The following POU6F2 variants were observed in gnomAD, a reference collection of about 807,000 sequenced individuals.
POU6F2 encodes POU class 6 homeobox 2, also known as POU domain, class 6, transcription factor 2.
POU6F2 carries 31 observed loss-of-function variants against 71.3 expected under a neutral mutation model. The observed-to-expected ratio is 0.43, with a 90% CI of 0.33 to 0.59. The LOEUF is 0.59. Among genes scored for constraint, POU6F2 ranks in the 20% least tolerant of loss-of-function variants. The pLI is 0.04. For missense variants in POU6F2, 783 were observed against 856.8 expected (o/e 0.91, Z 1.07); for synonymous variants, 347 against 355.7 (o/e 0.98, Z 0.27).
chr7:39,146,707 A>C (rs947239042), intron 2 of POU6F2, among the ~76,000 whole-genome samples: 1 of 152,096 alleles, frequency 6.6e-6, no homozygotes, highest in African/African-American at 2.4e-5. Context: ...AGTGAAGGTG[A>C]TGGTGGTGAG....
chr7:39,120,828 A>C (rs1214223794), intron 2 of POU6F2: 1 of 152,226 alleles, frequency 6.6e-6, no homozygotes, highest in African/African-American at 2.4e-5. Flanking sequence ...TATACTTTTC[A>C]AAAGCCTTGA....
chr7:39,235,936 G>T (rs1794667001), intron 4 of POU6F2, among the ~76,000 whole-genome samples: 1 of 152,146 alleles, frequency 6.6e-6, no homozygotes, highest in Non-Finnish European at 1.5e-5. Context: ...GCCAGAAGAT[G>T]AGATAAATAA....
intron 1 of POU6F2, among the ~76,000 whole-genome samples, chr7:39,060,952 T>TA (rs761531424): frequency 0.024 from 3,298 of 139,970 alleles, 34 homozygotes; most frequent in Non-Finnish European, 0.036. Flanking sequence ...TCACTAAGCT[T>TA]AAAAAAAAAA....
At chr7:39,441,424 C>A (rs1788402169) in intron 7 of POU6F2, among the ~76,000 whole-genome samples, 2 of 151,034 alleles carry the variant, frequency 1.3e-5, no homozygotes. Flanking sequence ...AATTGAGACA[C>A]CAGAGAAAGC....
chr7:39,421,161 A>C (rs986059295), intron 6 of POU6F2, among the ~76,000 whole-genome samples: 1 of 152,150 alleles, frequency 6.6e-6, no homozygotes, highest in Non-Finnish European at 1.5e-5. Flanking sequence ...AGAAAAACTC[A>C]TCAGCGTAAT....
intron 2 of POU6F2, among the ~76,000 whole-genome samples, chr7:39,189,877 C>G (rs556203389): frequency 1.1e-3 from 164 of 152,092 alleles, no homozygotes; most frequent in African/African-American, 3.6e-3. Flanking sequence ...CCTTCTACCC[C>G]CTTCCTACTG....
chr7:39,005,484 C>CTGTGTG (rs56984287), intron 1 of POU6F2, among the ~76,000 whole-genome samples: 1,635 of 126,674 alleles, frequency 0.013, 38 homozygotes, highest in African/African-American at 0.038. Flanking sequence ...AGGGAGAAAC[C>CTGTGTG]TGTGTGTGTG....
intron 7 of POU6F2, among the ~76,000 whole-genome samples, chr7:39,442,775 T>C (rs897599354): frequency 2.0e-5 from 3 of 152,178 alleles, no homozygotes; most frequent in Non-Finnish European, 4.4e-5. Context: ...CTAAAAACCT[T>C]TTCTGTCAGC....
At chr7:39,281,035 G>A (rs1345853422) in intron 4 of POU6F2, among the ~76,000 whole-genome samples, 5 of 152,148 alleles carry the variant, frequency 3.3e-5, no homozygotes, top group African/African-American at 4.8e-5. Context: ...TTTATGAATG[G>A]AAAGTACCAG....
chr7:39,450,038 G>C (rs1350751938), intron 7 of POU6F2, among the ~76,000 whole-genome samples: 2 of 152,174 alleles, frequency 1.3e-5, no homozygotes, highest in African/African-American at 2.4e-5. Flanking sequence ...GTGGTTTCAC[G>C]TGTGTACACA....
At chr7:39,295,830 G>A (rs1170923161) in intron 4 of POU6F2, among the ~76,000 whole-genome samples, 1 of 152,204 alleles carries the variant, frequency 6.6e-6, no homozygotes, top group Non-Finnish European at 1.5e-5. Context: ...AGTAACTTGA[G>A]AGAATTAACC....
rs1177888032 is a variant in POU6F2, at chr7:39,407,824, C to A, written c.1113+1084C>A. Among the ~76,000 whole-genome samples the A allele has an allele frequency of 3.3e-5, 5 of 152,152 alleles. 1 individual carries two copies. The highest frequency in any genetic ancestry group is 2.9e-5 in the Non-Finnish European group (2 of 68,020). ...AAAAAAAGCTGACCTTGTTTTATTT[C>A]CTGGGCGGGTGTGGTATTGTCCCGT... On this transcript the variant is annotated intron_variant, in intron 6 of 9. Coordinates refer to ENST00000518318, the MANE Select transcript of POU6F2 (RefSeq NM_001370959.1).
intron 1 of POU6F2, among the ~76,000 whole-genome samples, chr7:39,054,234 A>G (rs1790459691): frequency 6.6e-6 from 1 of 152,214 alleles, no homozygotes; most frequent in African/African-American, 2.4e-5. Context: ...GATTAGACCA[A>G]TAACACCTTT....
intron 5 of POU6F2, among the ~76,000 whole-genome samples, chr7:39,405,760 G>A (rs1215169851): frequency 6.6e-6 from 1 of 152,196 alleles, no homozygotes; most frequent in Non-Finnish European, 1.5e-5. Flanking sequence ...TTGGCAGGAA[G>A]GAGAATATTG....
intron 1 of POU6F2, among the ~76,000 whole-genome samples, chr7:38,995,826 G>A (rs919169937): frequency 6.6e-6 from 1 of 152,196 alleles, no homozygotes; most frequent in Non-Finnish European, 1.5e-5. Flanking sequence ...AGAGAATGAA[G>A]CACAGTGCTT....
intron 2 of POU6F2, among the ~76,000 whole-genome samples, chr7:39,133,673 G>A (rs1421934354): frequency 6.6e-6 from 1 of 152,120 alleles, no homozygotes; most frequent in Non-Finnish European, 1.5e-5. Context: ...ACATTGTCTT[G>A]TTCTCCTTAG....
In POU6F2 at chr7:39,339,864, C is replaced by T. The variant is rs150071017; in HGVS notation, c.821C>T (p.Ala274Val). The change falls in exon 5 of 10, where the codon GCG becomes GTG. Residue 274 changes from alanine to valine, a missense_variant. Around this residue, in one of 2 missense-constraint regions of POU6F2, gnomAD observed 572 missense variants for 572.9 expected, o/e 1.00. Coordinates refer to ENST00000518318, the MANE Select transcript of POU6F2 (RefSeq NM_001370959.1). The part of the protein sequence containing the change: ...PPAPTSQLQQ[A>V]PQPQQHQPHS... ...GCTCCTACATCTCAGCTGCAACAGG[C>T]GCCTCAGCCCCAGCAGCACCAACCC... 1,214 of 1,610,798 alleles carry T rather than the reference C, an allele frequency of 7.5e-4. 5 individuals carry two copies. The African/African-American group carries it at 0.013, about 18-fold the overall frequency.
At chr7:39,075,032 C>G (rs763419823) in intron 1 of POU6F2, among the ~76,000 whole-genome samples, 33 of 152,008 alleles carry the variant, frequency 2.2e-4, no homozygotes, top group Non-Finnish European at 4.1e-4. Flanking sequence ...GGCTCCAGTT[C>G]CCAAGCACCC....
intron 1 of POU6F2, among the ~76,000 whole-genome samples, chr7:39,061,948 T>C (rs7779586): frequency 0.065 from 9,969 of 152,260 alleles, 604 homozygotes; most frequent in African/African-American, 0.16. Flanking sequence ...GGTGCTTTTG[T>C]GCACTTTCCA....
Sources: allele counts gnomAD v4.1 joint callset (sites outside exome capture counted in the v4.1 genomes callset), GRCh38; gene constraint gnomAD v4.1.1; regional missense constraint gnomAD v4.1.1; transcripts MANE v1.5; gene names NCBI Gene and HGNC (gene_info 2026-07-23, HGNC 2026-07-21).